Variants in TRDMT1 observed in about 807,000 individuals in gnomAD.
TRDMT1 encodes the protein tRNA aspartic acid methyltransferase 1.
Under a neutral mutation model 51.2 loss-of-function variants are expected in TRDMT1, and 49 were observed. The ratio of observed to expected loss-of-function variants is 0.96; its 90% CI spans 0.76 to 1.21. The LOEUF (loss-of-function observed/expected upper bound fraction) is 1.21. TRDMT1 is among the 50% of genes most tolerant of loss of function. The pLI is 0.00. For missense variants in TRDMT1, 534 were observed against 462.3 expected (o/e 1.16, Z -1.42); for synonymous variants, 187 against 164.6 (o/e 1.14, Z -1.04).
At chr10:17,180,470 G>A (rs1843142515) in intron 1 of TRDMT1, among the ~76,000 whole-genome samples, 1 of 151,124 alleles carries the variant, frequency 6.6e-6, no homozygotes, top group African/African-American at 2.4e-5. Context: ...AACCCACAAG[G>A]TGGAGGTTGC....
intron 3 of TRDMT1, among the ~76,000 whole-genome samples, chr10:17,164,328 CT>C (rs1840857147): frequency 6.6e-6 from 1 of 152,110 alleles, no homozygotes; most frequent in Non-Finnish European, 1.5e-5. Flanking sequence ...ACCCTTCATG[CT>C]AAAAACTCTC....
chr10:17,169,465 T>C lies in TRDMT1; in HGVS notation c.175-548A>G, dbSNP rs572990002. On this transcript the variant is annotated intron_variant, in intron 2 of 10. Transcript: ENST00000377799. ...GCAGTTGTGTGCAATGAACTTCAAA[T>C]GACTGTTGACAAGATGCATCAAAAG... The C allele has an allele frequency of 1.5e-4, 189 of 1,289,766 alleles. No individual in the cohort carries two copies. The African/African-American group carries it at 2.5e-3, about 17-fold the overall frequency. 79.9% of individuals were successfully genotyped at this position (1,289,766 alleles called of 1,614,324 possible).
chr10:17,147,071 C>A lies in TRDMT1; in HGVS notation c.*1969G>T, dbSNP rs969223281. ...TATTTATAGTTGGTGCACAGTAACTCGACACTTATTTTGTATAATGTTGCT... is the reference window on the plus strand; with the variant it reads ...TATTTATAGTTGGTGCACAGTAACTAGACACTTATTTTGTATAATGTTGCT... On this transcript the variant is annotated 3_prime_UTR_variant, in exon 11 of 11. Transcript: ENST00000377799. 7.1e-6 allele frequency: 7 copies of A among 985,480 alleles called. No homozygotes were observed. In the Admixed American group the frequency reaches 3.1e-4, roughly 43 times the overall value. 61.0% of individuals were successfully genotyped at this position (985,480 alleles called of 1,614,324 possible). A position where few individuals can be genotyped will look rare whatever the true frequency, so the allele number is the denominator to read the frequency against.
rs375748065 is a variant in TRDMT1 at position 17,159,131 on chromosome 10, T to C, written c.543+15A>G. 7.2e-6 allele frequency: 11 copies of C among 1,522,840 alleles called. No individual in the cohort carries two copies. Among genetic ancestry groups the C allele is most frequent in the South Asian group, 1.3e-5 (1 of 78,108 alleles). The allele number at this position is 1,522,840 out of a possible 1,614,324, so 94.3% of individuals were successfully genotyped here. A position where few individuals can be genotyped will look rare whatever the true frequency, so the allele number is the denominator to read the frequency against. ...ATAAGCCATAATATTCATAATAAAATTCCAATAATAATACCTGACCAGGGG... is the reference window on the plus strand; with the variant it reads ...ATAAGCCATAATATTCATAATAAAACTCCAATAATAATACCTGACCAGGGG... On this transcript the variant is annotated intron_variant, in intron 7 of 10. Transcript: ENST00000377799.
intron 9 of TRDMT1, among the ~76,000 whole-genome samples, 174 bp downstream of exon 9, chr10:17,154,503 G>C (rs1418448691): frequency 6.6e-6 from 1 of 151,818 alleles, no homozygotes; most frequent in Non-Finnish European, 1.5e-5. Flanking sequence ...AGAGCAACAA[G>C]AAAAAGATTT....
chr10:17,148,926 C>T lies in TRDMT1; in HGVS notation c.*114G>A. On this transcript the variant is annotated 3_prime_UTR_variant, in exon 11 of 11. Coordinates refer to ENST00000377799, the MANE Select transcript of TRDMT1 (RefSeq NM_004412.7). ...TAAAATCCAAATTTCTTAATAAGGACAGATTAAAATAATTTAGTTAAATTT... is the reference window on the plus strand; with the variant it reads ...TAAAATCCAAATTTCTTAATAAGGATAGATTAAAATAATTTAGTTAAATTT... 3 of 1,356,136 alleles carry T rather than the reference C, an allele frequency of 2.2e-6. No individual in the cohort carries two copies. Among genetic ancestry groups the T allele is most frequent in the Non-Finnish European group, 2.9e-6 (3 of 1,044,008 alleles). 84.0% of individuals were successfully genotyped at this position (1,356,136 alleles called of 1,614,324 possible). A position where few individuals can be genotyped will look rare whatever the true frequency, so the allele number is the denominator to read the frequency against.
chr10:17,151,278 T>C (rs1471277587), intron 10 of TRDMT1: 4 of 981,618 alleles, frequency 4.1e-6, no homozygotes, highest in Middle Eastern at 1.0e-3. Context: ...ACATTAAAAA[T>C]AACAATAATA....
chr10:17,197,426 T>C (rs1311941443), intron 1 of TRDMT1, among the ~76,000 whole-genome samples: 2 of 152,154 alleles, frequency 1.3e-5, no homozygotes, highest in African/African-American at 4.8e-5. Flanking sequence ...ATCTATGTAG[T>C]GACTGTAAAA....
rs935299241 is a variant in TRDMT1 at position 17,175,583 on chromosome 10, A to G, written c.65-923T>C. ...GAAAATCATCAGAGAAAGCAATACA[A>G]TATTACATAGTAGATCCAAGTAGCC... is the stretch of plus-strand genomic sequence containing the variant. On this transcript the variant is annotated intron_variant, in intron 1 of 10. Coordinates refer to ENST00000377799, the MANE Select transcript of TRDMT1 (RefSeq NM_004412.7). Among the ~76,000 whole-genome samples the G allele has an allele frequency of 1.6e-4, 24 of 152,112 alleles. 1 individual carries two copies. Among genetic ancestry groups the G allele is most frequent in the Admixed American group, 1.6e-3 (24 of 15,270 alleles).
chr10:17,183,398 T>TA (rs1324127936), intron 1 of TRDMT1, among the ~76,000 whole-genome samples: 1 of 152,172 alleles, frequency 6.6e-6, no homozygotes, highest in African/African-American at 2.4e-5. Context: ...TCATTGAGAA[T>TA]ATACTATTAT....
rs997091865 is a variant in TRDMT1, at chr10:17,139,235, A to T, written c.*9805T>A. ...GACAAAATGAGTTTTCTACTTGGTG[A>T]CCCCTAAAATTCCCCAAACAAGGCG... On this transcript the variant is annotated 3_prime_UTR_variant, in exon 11 of 11. Coordinates refer to ENST00000377799, the MANE Select transcript of TRDMT1 (RefSeq NM_004412.7). 3.0e-6 allele frequency: 3 copies of T among 985,052 alleles called. No homozygotes were observed. The African/African-American group carries it at 5.2e-5, about 17-fold the overall frequency. The allele number at this position is 985,052 out of a possible 1,614,324, so 61.0% of individuals were successfully genotyped here.
rs553336043 is a variant in TRDMT1, at chr10:17,141,553, C to T, written c.*7487G>A. 6.6e-6 allele frequency among the ~76,000 whole-genome samples: 1 copy of T among 152,090 alleles called. No individual in the cohort carries two copies. Among genetic ancestry groups the T allele is most frequent in the Admixed American group, 6.6e-5 (1 of 15,262 alleles). ...CCATTTTTTTCCCCTCTACTTCTGG[C>T]ACCCCAAACATATAAATGTTGGTTC... On this transcript the variant is annotated 3_prime_UTR_variant, in exon 11 of 11. Transcript: ENST00000377799.
chr10:17,157,420 C>G (rs2295810), intron 8 of TRDMT1, 21 bp downstream of exon 8: 1,518,737 of 1,561,688 alleles, frequency 0.97, 741,963 homozygotes, highest in Non-Finnish European at 1. Context: ...GATACAGGAT[C>G]AATAGATCTT....
At chr10:17,186,388 A>T (rs961510255) in intron 1 of TRDMT1, among the ~76,000 whole-genome samples, 1 of 152,152 alleles carries the variant, frequency 6.6e-6, no homozygotes, top group Admixed American at 6.5e-5. Context: ...GGACTGAGGA[A>T]GGTTAAAATC....
At position 17,146,035 on chromosome 10, in the gene TRDMT1, T is replaced by C. The variant is rs1426770513; in HGVS notation, c.*3005A>G. The C allele has an allele frequency of 3.0e-6, 3 of 985,374 alleles. No homozygotes were observed. In the African/African-American group the frequency reaches 5.2e-5, roughly 17 times the overall value. The allele number at this position is 985,374 out of a possible 1,614,324, so 61.0% of individuals were successfully genotyped here. The stretch of plus-strand genomic sequence containing the variant: ...ACCCCTACCAATGCGTTGAATTGCC[T>C]GCACTCATCTCTAACCCCATCCAAT... On this transcript the variant is annotated 3_prime_UTR_variant, in exon 11 of 11. Transcript: ENST00000377799.
In TRDMT1 at chr10:17,157,749, A is replaced by G. The variant is rs1419162344; in HGVS notation, c.579T>C (p.His193=). 7 of 1,604,226 alleles carry G rather than the reference A, an allele frequency of 4.4e-6. No individual in the cohort carries two copies. The highest frequency in any genetic ancestry group is 6.0e-6 in the Non-Finnish European group (7 of 1,176,406). ...CTACATCCATTGCATATTTTTGTGG[A>G]TGTACAGATTCAATTTTGGGGAACT... is the stretch of plus-strand genomic sequence containing the variant. ...LMEFPKIESV[H]PQKYAMDVEN... Residue 193 remains histidine, a synonymous_variant, in exon 8 of 11, where the codon CAT becomes CAC. Transcript: ENST00000377799.
intron 8 of TRDMT1, among the ~76,000 whole-genome samples, chr10:17,156,318 T>A (rs1839497942): frequency 6.6e-6 from 1 of 151,464 alleles, no homozygotes; most frequent in Admixed American, 6.6e-5. Flanking sequence ...CACTGCAACC[T>A]CTGCCCCCCA....
Position 17,142,027 on chromosome 10 carries a change from T to C in TRDMT1, c.*7013A>G, listed in dbSNP as rs1173721892. Among the ~76,000 whole-genome samples the C allele has an allele frequency of 1.4e-5, 2 of 147,332 alleles. No individual in the cohort carries two copies. The highest frequency in any genetic ancestry group is 1.4e-4 in the Admixed American group (2 of 14,622). On this transcript the variant is annotated 3_prime_UTR_variant, in exon 11 of 11. Coordinates refer to ENST00000377799, the MANE Select transcript of TRDMT1 (RefSeq NM_004412.7). ...CTACCATAATGGTTCTTTTGTTAAC[T>C]TCTATTTCTTTGCTGAGCTTTTCTA...
intron 1 of TRDMT1, among the ~76,000 whole-genome samples, chr10:17,194,962 A>C (rs1050446208): frequency 2.0e-5 from 3 of 151,926 alleles, no homozygotes; most frequent in East Asian, 1.9e-4. Flanking sequence ...AAAAAAAAAA[A>C]AACGCAGATG....
Sources: allele counts gnomAD v4.1 joint callset (sites outside exome capture counted in the v4.1 genomes callset), GRCh38; gene constraint gnomAD v4.1.1; transcripts MANE v1.5; gene names NCBI Gene and HGNC (gene_info 2026-07-23, HGNC 2026-07-21).